Variants in POU2F1 observed in about 807,000 individuals in gnomAD.
POU2F1 encodes POU class 2 homeobox 1.
A neutral mutation model predicts 84.9 loss-of-function variants in POU2F1; 16 were observed. The ratio of observed to expected loss-of-function variants is 0.19; its 90% CI spans 0.13 to 0.29. The LOEUF is 0.29. POU2F1 is among the 10% of genes least tolerant of loss of function. POU2F1 has a pLI of 1.00. For synonymous variants in POU2F1, 368 were observed against 368.3 expected (o/e 1.00, Z 0.01); for missense variants, 738 against 942.6 (o/e 0.78, Z 2.84).
chr1:167,351,538 A>G lies in POU2F1; in HGVS notation c.128-13929A>G, dbSNP rs947277687. On this transcript the variant is annotated intron_variant, in intron 2 of 15. Coordinates refer to ENST00000367866, the MANE Select transcript of POU2F1 (RefSeq NM_002697.4). ...CCATCTCAAAAAAAAAAAAAAAAAA[A>G]AAAAAGAAAGAAAGAAAAAAAAGAA... is the stretch of plus-strand genomic sequence containing the variant. Among the ~76,000 whole-genome samples the G allele has an allele frequency of 1.6e-3, 241 of 146,670 alleles. 1 individual carries two copies. The highest frequency in any genetic ancestry group is 6.0e-3 in the African/African-American group (224 of 37,500).
chr1:167,365,571 G>A lies in POU2F1; in HGVS notation c.228+4G>A, dbSNP rs1659638212. ...TTTCCTTGGACATCTCCATCAGGTAGGAATGTTCTGCTCAACCATCAGTGA... is the reference window on the plus strand; with the variant it reads ...TTTCCTTGGACATCTCCATCAGGTAAGAATGTTCTGCTCAACCATCAGTGA... On this transcript the variant is annotated splice_donor_region_variant and intron_variant, in intron 3 of 15. Transcript: ENST00000367866. 1 of 1,577,482 alleles carries A rather than the reference G, an allele frequency of 6.3e-7. No individual in the cohort carries two copies. Among genetic ancestry groups the A allele is most frequent in the African/African-American group, 1.4e-5 (1 of 73,374 alleles).
At chr1:167,367,568 T>C (rs963367303) in intron 3 of POU2F1, among the ~76,000 whole-genome samples, 1 of 152,166 alleles carries the variant, frequency 6.6e-6, no homozygotes, top group Admixed American at 6.5e-5. Flanking sequence ...GGTAAAGGAA[T>C]GCTCTCTTCT....
At chr1:167,266,967 G>A (rs1327627161) in intron 1 of POU2F1, among the ~76,000 whole-genome samples, 1 of 152,082 alleles carries the variant, frequency 6.6e-6, no homozygotes, top group African/African-American at 2.4e-5. Flanking sequence ...TTTGTTTACA[G>A]ACATTTTTAC....
At chr1:167,281,173 T>C (rs1353688643) in intron 1 of POU2F1, among the ~76,000 whole-genome samples, 1 of 152,220 alleles carries the variant, frequency 6.6e-6, no homozygotes, top group East Asian at 1.9e-4. Context: ...ATGTACATAA[T>C]GTATTTGGGT....
At chr1:167,244,179 G>A (rs959922841) in intron 1 of POU2F1, among the ~76,000 whole-genome samples, 2 of 152,210 alleles carry the variant, frequency 1.3e-5, no homozygotes, top group African/African-American at 2.4e-5. Flanking sequence ...TTTTAGATTA[G>A]AAGATAGCAT....
intron 1 of POU2F1, among the ~76,000 whole-genome samples, chr1:167,224,580 T>C (rs921695629): frequency 6.6e-6 from 1 of 152,224 alleles, no homozygotes; most frequent in Non-Finnish European, 1.5e-5. Context: ...ATTTTTGACA[T>C]ATTAATAGAT....
chr1:167,246,182 C>T (rs1327884022), intron 1 of POU2F1, among the ~76,000 whole-genome samples: 1 of 152,072 alleles, frequency 6.6e-6, no homozygotes, highest in East Asian at 1.9e-4. Context: ...CCTTAAGTCA[C>T]TTTGAATTTT....
chr1:167,248,678 G>A (rs748410158), intron 1 of POU2F1, among the ~76,000 whole-genome samples: 20 of 152,150 alleles, frequency 1.3e-4, no homozygotes, highest in Non-Finnish European at 1.5e-4. Context: ...GGGATAAGGC[G>A]GTTGAGGGGA....
Position 167,406,699 on chromosome 1 carries a change from A to C in POU2F1, c.1555+5143A>C, listed in dbSNP as rs138426490. 3.9e-3 allele frequency among the ~76,000 whole-genome samples: 592 copies of C among 152,346 alleles called. 1 individual carries two copies. Among genetic ancestry groups the C allele is most frequent in the Non-Finnish European group, 6.1e-3 (412 of 68,042 alleles). ...ATACAAGATTGATATATAAAAAATAAATTACATTTGTATGTACTATCAATG... is the reference window on the plus strand; with the variant it reads ...ATACAAGATTGATATATAAAAAATACATTACATTTGTATGTACTATCAATG... On this transcript the variant is annotated intron_variant, in intron 13 of 15. Transcript: ENST00000367866.
rs769229008 is a variant in POU2F1, at chr1:167,332,498, C to G, written c.90C>G (p.Thr30=). The change falls in exon 2 of 16, where the codon ACC becomes ACG. Residue 30 remains threonine (T), a synonymous_variant. Coordinates refer to ENST00000367866, the MANE Select transcript of POU2F1 (RefSeq NM_002697.4). ...ADSRMNNPSE[T]SKPSMESGDG... ...CAAGAATGAACAATCCGTCAGAAAC[C>G]AGTAAACCATCTATGGAGAGTGGAG... 6.2e-7 allele frequency: 1 copy of G among 1,610,446 alleles called. No individual in the cohort carries two copies. The highest frequency in any genetic ancestry group is 2.2e-5 in the East Asian group (1 of 44,816).
chr1:167,315,820 AC>A lies in POU2F1; in HGVS notation c.62-16647del, dbSNP rs201617426. The stretch of plus-strand genomic sequence containing the variant: ...CCCCATCTCTTTAAAAAAAAAAAAA[AC>A]CCTGAAATTAAAAAACAAGCAAACT... On this transcript the variant is annotated intron_variant, in intron 1 of 15. Coordinates refer to ENST00000367866, the MANE Select transcript of POU2F1 (RefSeq NM_002697.4). Among the ~76,000 whole-genome samples the A allele has an allele frequency of 2.6e-5, 4 of 151,422 alleles. No individual in the cohort carries two copies. In the East Asian group the frequency reaches 7.7e-4, roughly 29 times the overall value.
chr1:167,263,218 G>C lies in POU2F1; in HGVS notation c.61+42260G>C, dbSNP rs1651696181. 3.3e-5 allele frequency among the ~76,000 whole-genome samples: 5 copies of C among 152,214 alleles called. No individual in the cohort carries two copies. The South Asian group carries it at 8.3e-4, about 25-fold the overall frequency. On this transcript the variant is annotated intron_variant, in intron 1 of 15. Coordinates refer to ENST00000367866, the MANE Select transcript of POU2F1 (RefSeq NM_002697.4). ...GAAAAGATATGTTTTTGTATATCCAGCTATTTTAAAAAACATGTCGGCCGA... is the reference window on the plus strand; with the variant it reads ...GAAAAGATATGTTTTTGTATATCCACCTATTTTAAAAAACATGTCGGCCGA...
intron 13 of POU2F1, among the ~76,000 whole-genome samples, chr1:167,410,375 T>A (rs575372914): frequency 2.3e-4 from 35 of 152,294 alleles, no homozygotes; most frequent in Non-Finnish European, 5.1e-4. Context: ...CAATTCTAGA[T>A]GTTCTTAGTA....
chr1:167,252,803 A>G (rs1342020117), intron 1 of POU2F1, among the ~76,000 whole-genome samples: 1 of 152,230 alleles, frequency 6.6e-6, no homozygotes, highest in Non-Finnish European at 1.5e-5. Flanking sequence ...CTTGTTTATA[A>G]CAGGTTAACA....
intron 13 of POU2F1, among the ~76,000 whole-genome samples, chr1:167,410,460 A>G (rs902288889): frequency 1.3e-5 from 2 of 152,210 alleles, no homozygotes; most frequent in African/African-American, 4.8e-5. Context: ...ATTGTTATGA[A>G]AGAAGAGCAT....
intron 9 of POU2F1, among the ~76,000 whole-genome samples, chr1:167,391,925 T>A (rs1276003867): frequency 6.6e-6 from 1 of 152,234 alleles, no homozygotes; most frequent in African/African-American, 2.4e-5. Flanking sequence ...GAATATGTAA[T>A]GATTTTTTAA....
intron 2 of POU2F1, among the ~76,000 whole-genome samples, chr1:167,362,376 GA>G (rs1571371013): frequency 6.6e-6 from 1 of 152,166 alleles, no homozygotes; most frequent in Non-Finnish European, 1.5e-5. Flanking sequence ...GGTGACATAA[GA>G]AAAGCTCAGG....
chr1:167,392,064 G>C (rs1320267049), intron 9 of POU2F1, among the ~76,000 whole-genome samples: 1 of 152,034 alleles, frequency 6.6e-6, no homozygotes, highest in Non-Finnish European at 1.5e-5. Flanking sequence ...TAAAAAGAAA[G>C]CTAGGCCGGG....
chr1:167,237,746 GTA>G lies in POU2F1; in HGVS notation c.61+16814_61+16815del, dbSNP rs58988722. ...TTTTTAAATCCATATATGTGTGTGT[GTA>G]TATATATATATATATATATATATAT... is the stretch of plus-strand genomic sequence containing the variant. On this transcript the variant is annotated intron_variant, in intron 1 of 15. Transcript: ENST00000367866. Among the ~76,000 whole-genome samples the G allele has an allele frequency of 3.8e-3, 280 of 72,990 alleles. 3 individuals are homozygous for G. The highest frequency in any genetic ancestry group is 0.011 in the African/African-American group (200 of 18,636). The allele number at this position is 72,990 out of a possible 152,430, so 47.9% of individuals were successfully genotyped here. A position where few individuals can be genotyped will look rare whatever the true frequency, so the allele number is the denominator to read the frequency against.
Sources: allele counts gnomAD v4.1 joint callset (sites outside exome capture counted in the v4.1 genomes callset), GRCh38; gene constraint gnomAD v4.1.1; transcripts MANE v1.5; gene names NCBI Gene and HGNC (gene_info 2026-07-23, HGNC 2026-07-21).